Variants in DLGAP2 observed in about 807,000 individuals in gnomAD.
DLGAP2 encodes disks large-associated protein 2.
A neutral mutation model predicts 100.3 loss-of-function variants in DLGAP2; 26 were observed. That is an observed-to-expected ratio of 0.26 (90% confidence interval 0.19 to 0.36). The LOEUF (loss-of-function observed/expected upper bound fraction) is 0.36, where lower values mean the gene tolerates loss of function less well. DLGAP2 is among the 10% of genes least tolerant of loss of function. DLGAP2 has a pLI of 1.00. For synonymous variants in DLGAP2, 886 were observed against 630.1 expected (o/e 1.41, Z -6.08); for missense variants, 1,858 against 1,453.2 (o/e 1.28, Z -4.53).
intron 2 of DLGAP2, among the ~76,000 whole-genome samples, chr8:1,170,815 G>T (rs4387001): frequency 0.68 from 94,084 of 138,922 alleles, 33,695 homozygotes; most frequent in Non-Finnish European, 0.79. Flanking sequence ...TCAATTTTGT[G>T]GATCCTTTCA....
intron 2 of DLGAP2, chr8:910,723 G>C (rs1798467840): frequency 6.6e-6 from 1 of 152,220 alleles, no homozygotes; most frequent in African/African-American, 2.4e-5. Context: ...TCAGGGAAGA[G>C]TGGACGTCTC....
chr8:1,618,967 A>G (rs1797244559), intron 6 of DLGAP2, among the ~76,000 whole-genome samples: 1 of 152,190 alleles, frequency 6.6e-6, no homozygotes, highest in Non-Finnish European at 1.5e-5. Context: ...CCAGATTAAG[A>G]ACTACTCAAA....
At chr8:738,517 A>T (rs915001894) in intron 1 of DLGAP2, 1 of 152,302 alleles carries the variant, frequency 6.6e-6, no homozygotes, top group African/African-American at 2.4e-5. Flanking sequence ...TACCCAGCGC[A>T]GGGTTTTGTA....
chr8:1,567,819 C>G (rs1001320673), intron 6 of DLGAP2, among the ~76,000 whole-genome samples: 2 of 152,208 alleles, frequency 1.3e-5, no homozygotes, highest in African/African-American at 2.4e-5. Context: ...ACAGCATCAC[C>G]TAAACACTGG....
chr8:1,479,210 A>C (rs961218941), intron 3 of DLGAP2, among the ~76,000 whole-genome samples: 4 of 152,220 alleles, frequency 2.6e-5, no homozygotes, highest in African/African-American at 9.6e-5. Flanking sequence ...CAGGTCTAAC[A>C]CGATGCTCCT....
At chr8:1,411,866 G>A (rs1169003631) in intron 3 of DLGAP2, among the ~76,000 whole-genome samples, 1 of 152,098 alleles carries the variant, frequency 6.6e-6, no homozygotes, top group Non-Finnish European at 1.5e-5. Context: ...GTGGGCCCTG[G>A]TGGTGCGGCA....
intron 3 of DLGAP2, among the ~76,000 whole-genome samples, chr8:1,260,306 C>G (rs11777069): frequency 0.17 from 25,331 of 152,070 alleles, 2,503 homozygotes; most frequent in Middle Eastern, 0.32. Flanking sequence ...TTTCCCCCAA[C>G]CCCTCACCGA....
chr8:905,987 A>C lies in DLGAP2; in HGVS notation c.19-1925A>C, dbSNP rs572527227. ...ATTGAGACTTTATTCCCGCTTCTTCAAGACATGTCTGTGGAATGGGGTTGC... is the reference window on the plus strand; with the variant it reads ...ATTGAGACTTTATTCCCGCTTCTTCCAGACATGTCTGTGGAATGGGGTTGC... On this transcript the variant is annotated intron_variant, in intron 1 of 14. Transcript: ENST00000637795. Among the ~76,000 whole-genome samples the C allele has an allele frequency of 3.9e-5, 6 of 152,328 alleles. No individual in the cohort carries two copies. The East Asian group carries it at 1.2e-3, about 29-fold the overall frequency.
chr8:1,524,089 C>G (rs1227327574), intron 4 of DLGAP2, among the ~76,000 whole-genome samples: 1 of 152,174 alleles, frequency 6.6e-6, no homozygotes, highest in Non-Finnish European at 1.5e-5. Context: ...AGCGGTGCCT[C>G]CACTCTGGAC....
At chr8:1,651,976 C>T (rs970837584) in intron 8 of DLGAP2, among the ~76,000 whole-genome samples, 4 of 152,166 alleles carry the variant, frequency 2.6e-5, no homozygotes, top group African/African-American at 9.7e-5. Context: ...GCAGCCTGCC[C>T]CAGGCACCTA....
chr8:1,131,709 A>G (rs532579153), intron 2 of DLGAP2, among the ~76,000 whole-genome samples: 1 of 152,216 alleles, frequency 6.6e-6, no homozygotes, highest in East Asian at 1.9e-4. Flanking sequence ...ATTAGGTGAG[A>G]TGTTTGCTTT....
intron 4 of DLGAP2, among the ~76,000 whole-genome samples, chr8:1,506,171 C>G (rs555747441): frequency 6.6e-6 from 1 of 152,028 alleles, no homozygotes; most frequent in Admixed American, 6.5e-5. Context: ...ATGTCTCATT[C>G]TAATGTTAAT....
At chr8:1,213,837 G>A (rs1456565520) in intron 2 of DLGAP2, among the ~76,000 whole-genome samples, 2 of 152,160 alleles carry the variant, frequency 1.3e-5, no homozygotes, top group African/African-American at 4.8e-5. Flanking sequence ...CCTGGTCTGG[G>A]TGATCCCTGC....
chr8:1,350,906 T>C (rs867352523), intron 3 of DLGAP2, among the ~76,000 whole-genome samples: 24 of 115,856 alleles, frequency 2.1e-4, no homozygotes, highest in African/African-American at 6.0e-4. Flanking sequence ...GGAAAGGCCG[T>C]GCGGGTCCTG....
chr8:1,039,667 CAGCTCGGTGTGCGTGGTCAGCTCGGTGTG>C (rs1449792415), intron 2 of DLGAP2, among the ~76,000 whole-genome samples: 1,231 of 118,884 alleles, frequency 0.01, 216 homozygotes, highest in African/African-American at 0.018. Context: ...TGTGGGTGGT[CAGCTCGGTGTGCGTGGTCAGCTCGGTGTG>C]CGTGGTCAGC....
chr8:1,174,955 A>G (rs1305726526), intron 2 of DLGAP2, among the ~76,000 whole-genome samples: 2 of 110,408 alleles, frequency 1.8e-5, no homozygotes, highest in African/African-American at 6.7e-5. Flanking sequence ...TGATAAGAAA[A>G]TTAATTCCCC....
At chr8:1,299,058 C>T (rs17747688) in intron 3 of DLGAP2, among the ~76,000 whole-genome samples, 3,495 of 152,332 alleles carry the variant, frequency 0.023, 49 homozygotes, top group Non-Finnish European at 0.038. Flanking sequence ...GTGCTGCCAG[C>T]AGAGAATGTG....
intron 1 of DLGAP2, among the ~76,000 whole-genome samples, chr8:826,071 G>A (rs1018722492): frequency 2.6e-5 from 4 of 152,338 alleles, no homozygotes; most frequent in Admixed American, 6.5e-5. Context: ...TTGAGAACAT[G>A]CTGTGTTTAT....
At chr8:914,842 A>T (rs1798557699) in intron 2 of DLGAP2, among the ~76,000 whole-genome samples, 1 of 152,176 alleles carries the variant, frequency 6.6e-6, no homozygotes, top group Non-Finnish European at 1.5e-5. Flanking sequence ...TACCAGTGTA[A>T]ATTCCTGGGA....
Sources: allele counts gnomAD v4.1 joint callset (sites outside exome capture counted in the v4.1 genomes callset), GRCh38; gene constraint gnomAD v4.1.1; transcripts MANE v1.5; gene names NCBI Gene and HGNC (gene_info 2026-07-23, HGNC 2026-07-21).